MTMR10: variants seen among roughly 807,000 people sequenced by gnomAD.
The protein encoded by MTMR10 is myotubularin-related protein 10.
MTMR10 carries 56 observed loss-of-function variants against 88.1 expected under a neutral mutation model. That is an observed-to-expected ratio of 0.64 (90% CI 0.51 to 0.79). MTMR10 has a LOEUF of 0.79. Among genes scored for constraint, MTMR10 ranks in the 30% least tolerant of loss-of-function variants. MTMR10 has a pLI of 0.00. For missense variants in MTMR10, 883 were observed against 924.7 expected (o/e 0.95, Z 0.58); for synonymous variants, 380 against 340.9 (o/e 1.11, Z -1.26).
At chr15:30,985,656 T>A (rs761678845) in intron 2 of MTMR10, among the ~76,000 whole-genome samples, 3 of 152,238 alleles carry the variant, frequency 2.0e-5, no homozygotes, top group Non-Finnish European at 4.4e-5. Flanking sequence ...TAGTTAAGGA[T>A]CCTCGTTCAA....
intron 2 of MTMR10, among the ~76,000 whole-genome samples, chr15:30,990,204 GGATAAGGGTACTA>G (rs2031223165): frequency 6.6e-6 from 1 of 152,096 alleles, no homozygotes; most frequent in African/African-American, 2.4e-5. Flanking sequence ...AGGTGGTGGG[GGATAAGGGTACTA>G]CTACTGGCAT....
the MTMR10 span, among the ~76,000 whole-genome samples, chr15:30,921,695 C>T: frequency 6.6e-6 from 1 of 152,076 alleles, no homozygotes; most frequent in Non-Finnish European, 1.5e-5. Context: ...TAAATCATTC[C>T]ATATTACAAA....
intron 6 of MTMR10, among the ~76,000 whole-genome samples, chr15:30,962,703 G>A (rs1317673498): frequency 6.6e-6 from 1 of 152,136 alleles, no homozygotes; most frequent in East Asian, 1.9e-4. Context: ...TAATGCCTGA[G>A]AGCAAAAAGA....
At chr15:30,966,848 AC>A (rs1245972983) in intron 6 of MTMR10, among the ~76,000 whole-genome samples, 2 of 142,510 alleles carry the variant, frequency 1.4e-5, no homozygotes, top group Non-Finnish European at 3.0e-5. Flanking sequence ...TATTATCTCT[AC>A]TGTATTTTCT....
chr15:30,919,296 C>G, the MTMR10 span, among the ~76,000 whole-genome samples: 6 of 147,978 alleles, frequency 4.1e-5, no homozygotes, highest in African/African-American at 1.3e-4. Flanking sequence ...AGGAGAATCA[C>G]TTGAACCCAG....
intron 9 of MTMR10, among the ~76,000 whole-genome samples, chr15:30,957,006 T>G (rs1179343232): frequency 1.3e-5 from 2 of 152,150 alleles, no homozygotes; most frequent in Non-Finnish European, 2.9e-5. Context: ...TGAAGGTCAT[T>G]TGAGGGTCAC....
At chr15:30,991,217 G>A in intron 1 of MTMR10, 1 of 491,396 alleles carries the variant, frequency 2.0e-6, no homozygotes, top group Non-Finnish European at 3.5e-6. Context: ...AACTACGGAC[G>A]ACAGAACTTC....
chr15:30,984,569 G>A lies in MTMR10; in HGVS notation c.121+6208C>T, dbSNP rs535474749. 1.8e-3 allele frequency among the ~76,000 whole-genome samples: 269 copies of A among 152,250 alleles called. 2 individuals are homozygous for A. Among genetic ancestry groups the A allele is most frequent in the African/African-American group, 6.1e-3 (254 of 41,544 alleles). On this transcript the variant is annotated intron_variant, in intron 2 of 15. Coordinates refer to ENST00000435680, the MANE Select transcript of MTMR10 (RefSeq NM_017762.3). ...CAACTGAGGAAATAAGACGTATGGT[G>A]AGACAGAAAACAAGAACAGTACGGG...
the MTMR10 span, among the ~76,000 whole-genome samples, chr15:30,924,557 GTGTT>G: frequency 2.9e-4 from 44 of 152,276 alleles, no homozygotes; most frequent in East Asian, 2.7e-3. Context: ...GTGGCTTTCT[GTGTT>G]TGTTTATTTG....
Position 30,991,430 on chromosome 15 carries a change from G to A in MTMR10, c.60+17C>T, listed in dbSNP as rs777320619. ...GCGCAGAGGAGAGTCGGGCGCTCGC[G>A]GGGAGGGGTTGTTTACCTGGGGCGG... On this transcript the variant is annotated intron_variant, in intron 1 of 15. Coordinates refer to ENST00000435680, the MANE Select transcript of MTMR10 (RefSeq NM_017762.3). The A allele has an allele frequency of 3.4e-6, 5 of 1,478,596 alleles. No homozygotes were observed. Among genetic ancestry groups the A allele is most frequent in the East Asian group, 2.7e-5 (1 of 36,388 alleles). The allele number at this position is 1,478,596 out of a possible 1,614,324, so 91.6% of individuals were successfully genotyped here.
chr15:30,927,080 G>C, the MTMR10 span: 1 of 960,474 alleles, frequency 1.0e-6, no homozygotes, highest in Non-Finnish European at 1.2e-6. Context: ...GGGAGGCTGA[G>C]ACAGGAGGAT....
At chr15:30,956,001 GTT>G (rs36077293) in intron 9 of MTMR10, among the ~76,000 whole-genome samples, 5 of 146,262 alleles carry the variant, frequency 3.4e-5, no homozygotes, top group East Asian at 2.0e-4. Flanking sequence ...CCCTGCTGTT[GTT>G]TTTTTTTTTC....
intron 2 of MTMR10, among the ~76,000 whole-genome samples, chr15:30,988,595 C>A (rs1057031026): frequency 6.6e-6 from 1 of 152,158 alleles, no homozygotes; most frequent in African/African-American, 2.4e-5. Context: ...TGACTTTTAG[C>A]CATTTTATAG....
intron 6 of MTMR10, among the ~76,000 whole-genome samples, chr15:30,964,339 A>C (rs1681342845): frequency 6.6e-6 from 1 of 152,244 alleles, no homozygotes; most frequent in South Asian, 2.1e-4. Flanking sequence ...AGAATGTGCT[A>C]TTGTTTATGA....
downstream of MTMR10, among the ~76,000 whole-genome samples, chr15:30,938,157 C>A (rs561985274): frequency 1.9e-4 from 28 of 151,292 alleles, no homozygotes; most frequent in African/African-American, 6.6e-4. Context: ...GCACTCCAGC[C>A]TGGGAGACAG....
chr15:30,976,771 T>C, intron 3 of MTMR10, 48 bp downstream of exon 3: 3 of 1,576,590 alleles, frequency 1.9e-6, no homozygotes, highest in African/African-American at 1.4e-5. Flanking sequence ...ATGTACCACT[T>C]AGAGTTGAAA....
At chr15:30,956,969 CTA>C (rs2063336187) in intron 9 of MTMR10, among the ~76,000 whole-genome samples, 1 of 152,092 alleles carries the variant, frequency 6.6e-6, no homozygotes, top group South Asian at 2.1e-4. Context: ...CTCGTGTGAA[CTA>C]TAGTCACCTT....
At chr15:30,974,546 G>A in intron 4 of MTMR10, 90 bp from the exon 5 acceptor site, 1 of 1,196,018 alleles carries the variant, frequency 8.4e-7, no homozygotes, top group Non-Finnish European at 1.1e-6. Flanking sequence ...AAAATAATTG[G>A]AAGGTCACCC....
chr15:30,920,420 A>G, the MTMR10 span: 1 of 674,416 alleles, frequency 1.5e-6, no homozygotes, highest in South Asian at 1.8e-5. Context: ...AATTGTACAC[A>G]ACTGAAAGTA....
Sources: gnomAD v4.1 joint callset for allele counts (sites outside exome capture counted in the v4.1 genomes callset) on GRCh38, gnomAD v4.1.1 for gene constraint, MANE v1.5 for transcripts, NCBI Gene and HGNC (gene_info 2026-07-23, HGNC 2026-07-21) for gene names.